DST: variants seen among roughly 807,000 people sequenced by gnomAD.
DST encodes the protein bullous pemphigoid antigen.
DST carries 253 observed loss-of-function variants against 875.2 expected under a neutral mutation model. The ratio of observed to expected loss-of-function variants is 0.29; its 90% confidence interval spans 0.26 to 0.32. DST has a LOEUF of 0.32. DST is among the 10% of genes least tolerant of loss of function. The pLI is 1.00. For missense variants in DST, 8,287 were observed against 9,111.6 expected (o/e 0.91, Z 3.68); for synonymous variants, 3,124 against 3,197.1 (o/e 0.98, Z 0.77).
chr6:56,832,215 A>G (rs1458334450), intron 4 of DST, among the ~76,000 whole-genome samples: 5 of 152,200 alleles, frequency 3.3e-5, no homozygotes, highest in Non-Finnish European at 5.9e-5. Context: ...AAGGACACTG[A>G]CATATTTTGG....
intron 4 of DST, among the ~76,000 whole-genome samples, chr6:56,804,879 C>A (rs1212509168): frequency 2.6e-4 from 39 of 152,070 alleles, no homozygotes; most frequent in Admixed American, 2.5e-3. Context: ...ATTTTGAACT[C>A]ACTTTACAAG....
At chr6:56,584,043 T>C (rs1253311763) in intron 49 of DST, among the ~76,000 whole-genome samples, 2 of 152,164 alleles carry the variant, frequency 1.3e-5, no homozygotes, top group Non-Finnish European at 2.9e-5. Flanking sequence ...TCCAGCTTTG[T>C]TCTTTTGGCT....
chr6:56,459,495 C>T lies in DST; in HGVS notation c.23195-228G>A, dbSNP rs969089370. Reference sequence around the variant, plus strand: ...AGATTTCCAACTACAAGGTAAGTTTCGGCTTCCCCTACTTAAAACAGGATT... The same window carrying T: ...AGATTTCCAACTACAAGGTAAGTTTTGGCTTCCCCTACTTAAAACAGGATT... On this transcript the variant is annotated intron_variant, in intron 103 of 103. Transcript: ENST00000680361. 6.6e-5 allele frequency among the ~76,000 whole-genome samples: 10 copies of T among 152,252 alleles called. 1 individual carries two copies. Among genetic ancestry groups the T allele is most frequent in the Admixed American group, 6.5e-5 (1 of 15,292 alleles).
At chr6:56,572,510 A>T (rs990096702) in intron 52 of DST, among the ~76,000 whole-genome samples, 9 of 152,218 alleles carry the variant, frequency 5.9e-5, no homozygotes, top group Admixed American at 3.9e-4. Flanking sequence ...TCTGGTACGT[A>T]AGATGATACT....
At position 56,759,776 on chromosome 6, in the gene DST, G is replaced by T. The variant is rs551442985; in HGVS notation, c.626-24487C>A. ...GAGTTCCAGAGGCGCGTGTGAATCT[G>T]ACTGGATGTGTCCTAAAGCCTCTCA... On this transcript the variant is annotated intron_variant, in intron 4 of 103. Transcript: ENST00000680361. 5.3e-5 allele frequency among the ~76,000 whole-genome samples: 8 copies of T among 152,258 alleles called. No homozygotes were observed. The East Asian group carries it at 1.5e-3, about 29-fold the overall frequency.
chr6:56,473,023 G>T (rs891251069), intron 93 of DST, among the ~76,000 whole-genome samples: 1 of 152,182 alleles, frequency 6.6e-6, no homozygotes, highest in African/African-American at 2.4e-5. Context: ...TATATGCCTG[G>T]AAGTAGGTTA....
At chr6:56,580,344 C>A (rs1253627070) in intron 49 of DST, among the ~76,000 whole-genome samples, 5 of 151,804 alleles carry the variant, frequency 3.3e-5, no homozygotes, top group Admixed American at 6.6e-5. Flanking sequence ...GCCAGGAGTT[C>A]AAGACCAGCC....
rs375521654 is a variant in DST at position 56,620,549 on chromosome 6, G to A, written c.4929+3981C>T. 251 of 1,613,674 alleles carry A rather than the reference G, an allele frequency of 1.6e-4. 1 individual carries two copies. The highest frequency in any genetic ancestry group is 6.7e-5 in the Admixed American group (4 of 59,978). On this transcript the variant is annotated intron_variant, in intron 36 of 103. Transcript: ENST00000680361. Reference sequence around the variant, plus strand: ...ATTTTCTGCAGCCTCCCTGACCTTCGGAAGTTCTTCCTCTACTCGGGACTT... The same window carrying A: ...ATTTTCTGCAGCCTCCCTGACCTTCAGAAGTTCTTCCTCTACTCGGGACTT...
intron 10 of DST, among the ~76,000 whole-genome samples, chr6:56,654,438 T>C (rs2098992834): frequency 6.6e-6 from 1 of 152,080 alleles, no homozygotes; most frequent in Admixed American, 6.5e-5. Context: ...AAATCACTTA[T>C]ATGCAAGCTT....
rs779365838 is a variant in DST at position 56,605,155 on chromosome 6, G to A, written c.9473C>T (p.Thr3158Ile). The A allele has an allele frequency of 3.7e-6, 6 of 1,612,268 alleles. No homozygotes were observed. Among genetic ancestry groups the A allele is most frequent in the East Asian group, 2.2e-5 (1 of 44,794 alleles). ...EISDDITSDI[T>I]SWEGNTHFEE... is the part of the protein sequence containing the mutation. ...AAAATGTGTATTCCCTTCCCACGATGTAATGTCTGAAGTAATGTCATCACT... is the reference window on the plus strand; with the variant it reads ...AAAATGTGTATTCCCTTCCCACGATATAATGTCTGAAGTAATGTCATCACT... Residue 3158 changes from threonine to isoleucine, a missense_variant, in exon 40 of 104, where the codon ACA (threonine) becomes ATA (isoleucine). Thr to Ile is a moderately conservative substitution (Grantham distance 89). Around this residue, in one of 10 missense-constraint regions of DST, gnomAD observed 3,138 missense variants for 3,116.6 expected, o/e 1.01. Coordinates refer to ENST00000680361, the MANE Select transcript of DST (RefSeq NM_001374736.1).
intron 87 of DST, among the ~76,000 whole-genome samples, chr6:56,486,504 T>C (rs1036791074): frequency 1.3e-5 from 2 of 152,058 alleles, no homozygotes; most frequent in Non-Finnish European, 2.9e-5. Context: ...GCGGGAAAAT[T>C]TGGAAACATG....
At chr6:56,876,053 C>A (rs1391984965) in intron 3 of DST, among the ~76,000 whole-genome samples, 1 of 152,124 alleles carries the variant, frequency 6.6e-6, no homozygotes, top group African/African-American at 2.4e-5. Flanking sequence ...CTGCACCTCT[C>A]CAGCAGAGGC....
chr6:56,936,716 G>C (rs1287195713), intron 2 of DST, among the ~76,000 whole-genome samples: 1 of 151,848 alleles, frequency 6.6e-6, no homozygotes, highest in Non-Finnish European at 1.5e-5. Context: ...TTTTTGGCTA[G>C]ACAAACAAAA....
chr6:56,802,212 G>A (rs1344859707), intron 4 of DST, among the ~76,000 whole-genome samples: 1 of 151,976 alleles, frequency 6.6e-6, no homozygotes, highest in Admixed American at 6.6e-5. Context: ...TTAACAATAT[G>A]AGTACCCTAT....
rs2099345555 is a variant in DST, at chr6:56,707,474, C to T, written c.688-3105G>A. On this transcript the variant is annotated intron_variant, in intron 5 of 103. Coordinates refer to ENST00000680361, the MANE Select transcript of DST (RefSeq NM_001374736.1). ...CTGCTTTGTCTCTCAAAATAAATGGCTTTATTGTGCAGGTCTGATATCCTC... is the reference window on the plus strand; with the variant it reads ...CTGCTTTGTCTCTCAAAATAAATGGTTTTATTGTGCAGGTCTGATATCCTC... Among the ~76,000 whole-genome samples, 3 of 152,254 alleles carry T rather than the reference C, an allele frequency of 2.0e-5. 1 individual carries two copies. In the South Asian group the frequency reaches 6.2e-4, roughly 32 times the overall value.
intron 4 of DST, among the ~76,000 whole-genome samples, chr6:56,846,952 G>A (rs1438863260): frequency 7.2e-6 from 1 of 138,826 alleles, no homozygotes; most frequent in Non-Finnish European, 1.5e-5. Context: ...GCAGTGAGCT[G>A]AGATCACACC....
At chr6:56,768,312 C>T (rs769067485) in intron 4 of DST, among the ~76,000 whole-genome samples, 3 of 152,052 alleles carry the variant, frequency 2.0e-5, no homozygotes, top group Admixed American at 6.6e-5. Flanking sequence ...CTACAGTTGT[C>T]GAAACAGTGT....
At chr6:56,633,249 C>T (rs1444063765) in intron 27 of DST, among the ~76,000 whole-genome samples, 2 of 114,966 alleles carry the variant, frequency 1.7e-5, no homozygotes, top group Admixed American at 7.6e-5. Flanking sequence ...TTTTTTGAGA[C>T]GGAGTCTCGC....
At chr6:56,938,088 C>CTT (rs1301728969) in intron 2 of DST, among the ~76,000 whole-genome samples, 52 of 30,576 alleles carry the variant, frequency 1.7e-3, no homozygotes, top group African/African-American at 4.2e-3. Context: ...CTCTTTCTCT[C>CTT]TCTCTCTCTC....
Sources: allele counts gnomAD v4.1 joint callset (sites outside exome capture counted in the v4.1 genomes callset), GRCh38; gene constraint gnomAD v4.1.1; regional missense constraint gnomAD v4.1.1; transcripts MANE v1.5; gene names NCBI Gene and HGNC (gene_info 2026-07-23, HGNC 2026-07-21).